Variants in CALN1 observed in about 807,000 individuals in gnomAD.
The protein encoded by CALN1 is calneuron 1.
Under a neutral mutation model 30.6 loss-of-function variants are expected in CALN1, and 17 were observed. The observed-to-expected ratio is 0.56, with a 90% CI of 0.38 to 0.83. CALN1 has a LOEUF of 0.83. Among genes scored for constraint, CALN1 ranks in the 40% least tolerant of loss-of-function variants. CALN1 has a pLI of 0.00. For synonymous variants in CALN1, 156 were observed against 131.4 expected (o/e 1.19, Z -1.28); for missense variants, 291 against 354.9 (o/e 0.82, Z 1.45).
chr7:72,167,645 A>C, intron 3 of CALN1, among the ~76,000 whole-genome samples: 1 of 152,348 alleles, frequency 6.6e-6, no homozygotes, highest in East Asian at 1.9e-4. Flanking sequence ...GTGCGCAGCT[A>C]CATTCTACTT....
At chr7:72,323,807 G>A (rs1417197862) in intron 2 of CALN1, among the ~76,000 whole-genome samples, 4 of 152,170 alleles carry the variant, frequency 2.6e-5, no homozygotes, top group Non-Finnish European at 4.4e-5. Flanking sequence ...ACTTTGGGAG[G>A]CTGAGGTGGG....
In CALN1 at chr7:71,961,500, G is replaced by A. The variant is rs117189337; in HGVS notation, c.501+62157C>T. Among the ~76,000 whole-genome samples the A allele has an allele frequency of 8.5e-5, 13 of 152,276 alleles. No homozygotes were observed. The South Asian group carries it at 1.7e-3, about 19-fold the overall frequency. On this transcript the variant is annotated intron_variant, in intron 5 of 6. Coordinates refer to ENST00000395275, the MANE Select transcript of CALN1 (RefSeq NM_031468.4). ...CAATCTCTTTTCTGCCATAAAACCC[G>A]TAATAGATTACGTTCACTTGTGTAC...
chr7:71,973,546 C>T (rs1797955075), intron 5 of CALN1, among the ~76,000 whole-genome samples: 1 of 152,138 alleles, frequency 6.6e-6, no homozygotes, highest in Non-Finnish European at 1.5e-5. Context: ...CCAGAAGATA[C>T]GTATCTGTGA....
intron 2 of CALN1, among the ~76,000 whole-genome samples, chr7:72,349,475 T>G (rs1802814331): frequency 6.6e-6 from 1 of 151,908 alleles, no homozygotes; most frequent in South Asian, 2.1e-4. Context: ...ATAATCAAAT[T>G]GCTGAAAACC....
intron 2 of CALN1, among the ~76,000 whole-genome samples, chr7:72,342,073 T>C (rs1248554211): frequency 6.6e-6 from 1 of 151,850 alleles, no homozygotes; most frequent in African/African-American, 2.4e-5. Context: ...CTGGGCAACA[T>C]AGGGAGACCC....
intron 5 of CALN1, among the ~76,000 whole-genome samples, chr7:71,846,785 C>T (rs13241258): frequency 5.6e-5 from 8 of 143,178 alleles, no homozygotes; most frequent in Admixed American, 7.1e-5. Flanking sequence ...AATATATATA[C>T]GTGTATATAC....
intron 3 of CALN1, among the ~76,000 whole-genome samples, chr7:72,118,280 T>A (rs1289901347): frequency 6.6e-6 from 1 of 152,180 alleles, no homozygotes; most frequent in Non-Finnish European, 1.5e-5. Context: ...AAATAATAAT[T>A]TCTTTCATGG....
At chr7:72,050,452 T>C (rs1174398243) in intron 4 of CALN1, among the ~76,000 whole-genome samples, 1 of 152,126 alleles carries the variant, frequency 6.6e-6, no homozygotes, top group Non-Finnish European at 1.5e-5. Context: ...AAAAATCAAC[T>C]AATTTTTCAA....
intron 5 of CALN1, among the ~76,000 whole-genome samples, chr7:71,905,925 A>G (rs1266691565): frequency 1.3e-5 from 2 of 152,186 alleles, no homozygotes; most frequent in African/African-American, 4.8e-5. Flanking sequence ...AAGGTGAAGA[A>G]GCAAGCACCT....
intron 2 of CALN1, among the ~76,000 whole-genome samples, chr7:72,324,784 C>G (rs868029179): frequency 6.6e-6 from 1 of 151,900 alleles, no homozygotes; most frequent in Middle Eastern, 3.4e-3. Flanking sequence ...GGGTTTCACC[C>G]TGTTGGCCAG....
chr7:71,980,677 G>A (rs941920565), intron 5 of CALN1, among the ~76,000 whole-genome samples: 4 of 152,116 alleles, frequency 2.6e-5, no homozygotes, highest in Non-Finnish European at 2.9e-5. Context: ...CATAAATAAG[G>A]GAAAGACACT....
intron 2 of CALN1, among the ~76,000 whole-genome samples, chr7:72,360,733 A>G (rs865898068): frequency 3.5e-4 from 52 of 150,194 alleles, no homozygotes; most frequent in African/African-American, 1.2e-3. Flanking sequence ...CTAGAACTTA[A>G]AAGTATAATT....
chr7:72,383,743 A>G (rs758033412), intron 2 of CALN1, among the ~76,000 whole-genome samples: 9 of 152,244 alleles, frequency 5.9e-5, no homozygotes, highest in Non-Finnish European at 1.2e-4. Flanking sequence ...CCTACCCAGT[A>G]AAGAGAATAA....
At chr7:72,063,686 C>A (rs1273069706) in intron 4 of CALN1, among the ~76,000 whole-genome samples, 1 of 152,172 alleles carries the variant, frequency 6.6e-6, no homozygotes, top group East Asian at 1.9e-4. Context: ...GGTTGAGTAT[C>A]CCTAATCCTA....
chr7:72,108,400 T>C lies in CALN1; in HGVS notation c.245-2106A>G, dbSNP rs940878466. Among the ~76,000 whole-genome samples, 3 of 152,356 alleles carry C rather than the reference T, an allele frequency of 2.0e-5. No homozygotes were observed. The East Asian group carries it at 5.8e-4, about 29-fold the overall frequency. ...ATATCTTTGGGGGCTGGTTTTGAGA[T>C]TGCTACACTATTGCATCCAGTGCTT... is the stretch of plus-strand genomic sequence containing the variant. On this transcript the variant is annotated intron_variant, in intron 3 of 6. Transcript: ENST00000395275.
intron 5 of CALN1, among the ~76,000 whole-genome samples, chr7:71,939,244 A>G (rs1443036603): frequency 6.6e-6 from 1 of 152,030 alleles, no homozygotes; most frequent in East Asian, 1.9e-4. Context: ...AGCAGTGACC[A>G]CAGTCTCAAT....
At chr7:72,188,727 T>C (rs1790388740) in intron 3 of CALN1, among the ~76,000 whole-genome samples, 1 of 152,126 alleles carries the variant, frequency 6.6e-6, no homozygotes, top group Admixed American at 6.6e-5. Context: ...ATAATCATCA[T>C]ATAAATTAAA....
intron 3 of CALN1, among the ~76,000 whole-genome samples, chr7:72,134,761 T>A (rs941873921): frequency 6.6e-5 from 10 of 152,138 alleles, no homozygotes; most frequent in African/African-American, 1.9e-4. Context: ...CAACAATGAA[T>A]TTGGCCGCAC....
chr7:72,003,328 TC>T (rs1448540049), intron 5 of CALN1, among the ~76,000 whole-genome samples: 3 of 152,092 alleles, frequency 2.0e-5, no homozygotes. Context: ...GTGAAAGAAA[TC>T]AGTGACTTAA....
Sources: allele counts gnomAD v4.1 joint callset (sites outside exome capture counted in the v4.1 genomes callset), GRCh38; gene constraint gnomAD v4.1.1; transcripts MANE v1.5; gene names NCBI Gene and HGNC (gene_info 2026-07-23, HGNC 2026-07-21).